Variants in FXYD2 observed in about 807,000 individuals in gnomAD.
FXYD2 encodes the protein FXYD domain containing ion transport regulator 2.
A neutral mutation model predicts 11.8 loss-of-function variants in FXYD2; 8 were observed. That is an observed-to-expected ratio of 0.68 (90% confidence interval 0.40 to 1.22). FXYD2 has a LOEUF of 1.22. Ranked by LOEUF, FXYD2 falls within the 50% of genes most tolerant of loss-of-function variation. The pLI is 0.01. For missense variants in FXYD2, 92 were observed against 91.8 expected, an observed-to-expected ratio of 1.00 and a Z score of -0.01; for synonymous variants, 42 against 33.3, an observed-to-expected ratio of 1.26 and a Z score of -0.90.
intron 5 of FXYD2, 57 bp downstream of exon 5, chr11:117,820,609 G>A (rs1045293871): frequency 6.2e-7 from 1 of 1,607,270 alleles, no homozygotes; most frequent in Non-Finnish European, 8.5e-7. Context: ...ATTCTTCCCT[G>A]TTGCTCCCAA....
rs755098516 is a variant in FXYD2, at chr11:117,822,699, T to A, written c.44A>T (p.Asp15Val). 6.2e-7 allele frequency: 1 copy of A among 1,610,244 alleles called. No individual in the cohort carries two copies. The highest frequency in any genetic ancestry group is 1.1e-5 in the South Asian group (1 of 89,860). Residue 15 changes from aspartate to valine, a missense_variant, in exon 2 of 6, where the codon GAC becomes GTC. Physicochemically the swap from Asp to Val is radical, Grantham distance 152. Coordinates refer to ENST00000292079, the MANE Select transcript of FXYD2 (RefSeq NM_001680.5). This position sits in a 1 kb window ranked among gnomAD's most constrained non-coding sequence, Gnocchi z 4.7. ...CTTACCATAGTAGAACGGGTCCACG[T>A]CCCCCTTGGGGCTGCCGCCTAGGAG... The part of the protein sequence containing the change: ...SMDGGGSPKG[D>V]VDPFYYDYET...
Position 117,822,369 on chromosome 11 carries a change from T to A in FXYD2, c.139+37A>T, listed in dbSNP as rs566732489. The A allele has an allele frequency of 1.3e-6, 2 of 1,551,162 alleles. No individual in the cohort carries two copies. The highest frequency in any genetic ancestry group is 2.7e-5 in the African/African-American group (2 of 73,158). Reference sequence around the variant, plus strand: ...AGCGGCCTTGAGAAGAGAGGTGCCCTGGTCAGCACCCCTTCCCTGGAGGCC... The same window carrying A: ...AGCGGCCTTGAGAAGAGAGGTGCCCAGGTCAGCACCCCTTCCCTGGAGGCC... On this transcript the variant is annotated intron_variant, in intron 3 of 5. Transcript: ENST00000292079. The surrounding 1 kb of genome is among the most constrained non-coding windows in gnomAD (Gnocchi z 4.7).
At chr11:117,826,755 T>C (rs1414067881), upstream of FXYD2, among the ~76,000 whole-genome samples, 1 of 57,530 alleles carries the variant, frequency 1.7e-5, no homozygotes, top group Non-Finnish European at 3.7e-5. Flanking sequence ...AATAAATTCA[T>C]CTGTCTGTCT....
chr11:117,821,919 C>T, intron 3 of FXYD2: 2 of 1,025,652 alleles, frequency 1.9e-6, no homozygotes, highest in South Asian at 3.8e-5. Context: ...TATTAAGCTC[C>T]TGCTGTGTGC....
upstream of FXYD2, chr11:117,827,889 C>T: frequency 1.2e-6 from 1 of 809,226 alleles, no homozygotes; most frequent in Non-Finnish European, 2.1e-6. Context: ...TTCCTTTCTG[C>T]TTTTCCTGCA....
intron 3 of FXYD2, chr11:117,821,515 T>G (rs1366190218): frequency 1.0e-6 from 1 of 986,026 alleles, no homozygotes; most frequent in East Asian, 1.1e-4. Context: ...CCAGCACAGC[T>G]GCCCGATGAA....
upstream of FXYD2, chr11:117,827,945 C>T: frequency 8.0e-7 from 1 of 1,244,548 alleles, no homozygotes; most frequent in Non-Finnish European, 1.2e-6. Context: ...GGGGCTGGCA[C>T]CTGTGTTAGA....
rs2055988997 is a variant in FXYD2, at chr11:117,824,351, T to C, written c.25+303A>G. 2.0e-5 allele frequency: 11 copies of C among 536,922 alleles called. No homozygotes were observed. The highest frequency in any genetic ancestry group is 1.0e-3 in the Middle Eastern group (2 of 2,000). 33.3% of individuals were successfully genotyped at this position (536,922 alleles called of 1,614,324 possible). A position where few individuals can be genotyped will look rare whatever the true frequency, so the allele number is the denominator to read the frequency against. ...GCCTCCCGCCCAAGTTCAGACGGTC[T>C]AGCAAGATGCATTGAACTCAGGGCG... On this transcript the variant is annotated intron_variant, in intron 1 of 5. Transcript: ENST00000292079. The surrounding 1 kb of genome is among the most constrained non-coding windows in gnomAD (Gnocchi z 4.0).
rs747580553 is a variant in FXYD2 at position 117,822,133 on chromosome 11, C to T, written c.139+273G>A. On this transcript the variant is annotated intron_variant, in intron 3 of 5. Transcript: ENST00000292079. This position sits in a 1 kb window ranked among gnomAD's most constrained non-coding sequence, Gnocchi z 4.7. ...GGGGGGCCTAGTCCCCCTGTCTGGC[C>T]CTCCGGTTACCCAGTTACCCCGTGG... 1.6e-4 allele frequency: 228 copies of T among 1,383,914 alleles called. No homozygotes were observed. Among genetic ancestry groups the T allele is most frequent in the Non-Finnish European group, 2.1e-4 (220 of 1,066,146 alleles). 85.7% of individuals were successfully genotyped at this position (1,383,914 alleles called of 1,614,324 possible).
upstream of FXYD2, among the ~76,000 whole-genome samples, chr11:117,824,960 T>C (rs2056002974): frequency 6.6e-6 from 1 of 152,120 alleles, no homozygotes; most frequent in Non-Finnish European, 1.5e-5. The surrounding 1 kb of genome is among the most constrained non-coding windows in gnomAD (Gnocchi z 4.0). Flanking sequence ...TTGGGATGGG[T>C]CAGCAGTCGT....
In FXYD2 at chr11:117,822,750, T is replaced by C. The variant is rs1591534791; in HGVS notation, c.26-33A>G. ...AGAGCCAGAGGTGGGATGAGAGGAG[T>C]CACCGATGGTGAGCCAGCCACAGGA... On this transcript the variant is annotated intron_variant, in intron 1 of 5. Coordinates refer to ENST00000292079, the MANE Select transcript of FXYD2 (RefSeq NM_001680.5). This position sits in a 1 kb window ranked among gnomAD's most constrained non-coding sequence, Gnocchi z 4.7. The C allele has an allele frequency of 1.2e-6, 2 of 1,600,446 alleles. No homozygotes were observed. The highest frequency in any genetic ancestry group is 1.7e-6 in the Non-Finnish European group (2 of 1,176,106).
chr11:117,821,819 C>T (rs2055912425), intron 3 of FXYD2: 1 of 994,050 alleles, frequency 1.0e-6, no homozygotes, highest in Admixed American at 5.6e-5. Context: ...AGTCCAGAGC[C>T]CACAGGTGTG....
At position 117,824,342 on chromosome 11, in the gene FXYD2, C is replaced by A. The variant is rs1249886036; in HGVS notation, c.25+312G>T. 4.0e-6 allele frequency: 2 copies of A among 501,004 alleles called. No homozygotes were observed. The highest frequency in any genetic ancestry group is 7.2e-6 in the Non-Finnish European group (2 of 276,404). The allele number at this position is 501,004 out of a possible 1,614,324, so 31.0% of individuals were successfully genotyped here. ...ACGCCGTCTGCCTCCCGCCCAAGTTCAGACGGTCTAGCAAGATGCATTGAA... is the reference window on the plus strand; with the variant it reads ...ACGCCGTCTGCCTCCCGCCCAAGTTAAGACGGTCTAGCAAGATGCATTGAA... On this transcript the variant is annotated intron_variant, in intron 1 of 5. Transcript: ENST00000292079. The surrounding 1 kb of genome is among the most constrained non-coding windows in gnomAD (Gnocchi z 4.0).
chr11:117,822,462 T>C lies in FXYD2; in HGVS notation c.83A>G (p.Asn28Ser), dbSNP rs1283030252. ...PFYYDYETVRNGGLIFAGLAF... is the reference protein window; with the variant it reads ...PFYYDYETVRSGGLIFAGLAF... ...CAGTCCAGCGAAGATCAGGCCCCCATTGCGAACGGTCTCATAGTCTCCGGA... is the reference window on the plus strand; with the variant it reads ...CAGTCCAGCGAAGATCAGGCCCCCACTGCGAACGGTCTCATAGTCTCCGGA... Residue 28 changes from asparagine (N) to serine (S), a missense_variant, in exon 3 of 6, where the codon AAT becomes AGT. Coordinates refer to ENST00000292079, the MANE Select transcript of FXYD2 (RefSeq NM_001680.5). The surrounding 1 kb of genome is among the most constrained non-coding windows in gnomAD (Gnocchi z 4.7). 15 of 1,562,158 alleles carry C rather than the reference T, an allele frequency of 9.6e-6. No homozygotes were observed. In the South Asian group the frequency reaches 1.8e-4, roughly 18 times the overall value.
chr11:117,826,005 A>G (rs514527), upstream of FXYD2, among the ~76,000 whole-genome samples: 31,378 of 152,138 alleles, frequency 0.21, 3,619 homozygotes, highest in South Asian at 0.31. Flanking sequence ...TCTGTGCCTC[A>G]GTCTCCTCAT....
chr11:117,826,764 C>CTGTT, upstream of FXYD2, among the ~76,000 whole-genome samples: 1 of 108,500 alleles, frequency 9.2e-6, no homozygotes. Context: ...ATCTGTCTGT[C>CTGTT]TGTCTGTCTG....
intron 3 of FXYD2, chr11:117,821,784 G>T: frequency 1.0e-6 from 1 of 988,400 alleles, no homozygotes; most frequent in Non-Finnish European, 1.2e-6. Context: ...TTGGGGTGGG[G>T]TGGCAGTGGC....
At chr11:117,821,968 C>T (rs2055916453) in intron 3 of FXYD2, 1 of 1,095,452 alleles carries the variant, frequency 9.1e-7, no homozygotes, top group Non-Finnish European at 1.1e-6. Flanking sequence ...CTTTGTCTCC[C>T]CCAGAACACT....
At chr11:117,821,455 T>G (rs10750114) in intron 3 of FXYD2, 200,873 of 986,238 alleles carry the variant, frequency 0.2, 21,042 homozygotes, top group East Asian at 0.21. Flanking sequence ...TCCACGGTGG[T>G]CTGTTGGCAT....
Sources: gnomAD v4.1 joint callset for allele counts (sites outside exome capture counted in the v4.1 genomes callset) on GRCh38, gnomAD v4.1.1 for gene constraint, Gnocchi (gnomAD v3.1) non-coding constraint, MANE v1.5 for transcripts, NCBI Gene and HGNC (gene_info 2026-07-23, HGNC 2026-07-21) for gene names.